The following SYNE1 variants were observed in gnomAD, a reference collection of about 807,000 sequenced individuals.
SYNE1 encodes nesprin-1.
Under a neutral mutation model 1,111.0 loss-of-function variants are expected in SYNE1, and 616 were observed. The observed-to-expected ratio is 0.55, with a 90% confidence interval of 0.52 to 0.59. SYNE1 has a LOEUF of 0.59. Ranked by LOEUF, SYNE1 falls within the 20% of genes least tolerant of loss-of-function variation. The probability of loss-of-function intolerance (pLI) is 0.00; values close to 1 mark genes in which losing one functional copy is unlikely to be tolerated. For synonymous variants in SYNE1, 3,855 were observed against 3,825.8 expected (o/e 1.01, Z -0.28); for missense variants, 10,006 against 10,417.0 (o/e 0.96, Z 1.72).
rs185660243 is a variant in SYNE1, at chr6:152,135,546, T to C, written c.25660-314A>G. 2.9e-3 allele frequency among the ~76,000 whole-genome samples: 444 copies of C among 152,372 alleles called. 3 individuals carry two copies. The highest frequency in any genetic ancestry group is 5.5e-3 in the Admixed American group (84 of 15,306). Reference sequence around the variant, plus strand: ...AGCAACTCTGCTGCCCTCTCTTCTCTGTGTAGTCAAATCTTTCCATATTTT... The same window carrying C: ...AGCAACTCTGCTGCCCTCTCTTCTCCGTGTAGTCAAATCTTTCCATATTTT... On this transcript the variant is annotated intron_variant, in intron 141 of 145. Transcript: ENST00000367255.
In SYNE1 at chr6:152,231,550, A is replaced by C; in HGVS notation, c.20880T>G (p.Ile6960Met). 1.2e-6 allele frequency: 2 copies of C among 1,614,128 alleles called. No homozygotes were observed. Among genetic ancestry groups the C allele is most frequent in the Non-Finnish European group, 1.7e-6 (2 of 1,180,014 alleles). The change falls in exon 114 of 146, where the codon ATT becomes ATG. Residue 6960 changes from isoleucine to methionine, a missense_variant. Physicochemically the swap from Ile to Met is conservative, Grantham distance 10. Around this residue, in one of 7 missense-constraint regions of SYNE1, gnomAD observed 2,182 missense variants for 2,287.8 expected, o/e 0.95. Coordinates refer to ENST00000367255, the MANE Select transcript of SYNE1 (RefSeq NM_182961.4). ...LQKYKGFKID[I>M]NCKQLTVDFV... The stretch of plus-strand genomic sequence containing the variant: ...AATCCACTGTCAGCTGTTTACAGTT[A>C]ATGTCTATCTTAAAACCCTAAAAAA...
chr6:152,340,911 T>G (rs1563198097), intron 74 of SYNE1, among the ~76,000 whole-genome samples: 1 of 151,904 alleles, frequency 6.6e-6, no homozygotes, highest in Non-Finnish European at 1.5e-5. Context: ...GTGGCTGAGG[T>G]AGTAAGAAGT....
At chr6:152,364,215 G>A (rs1190272850) in intron 63 of SYNE1, among the ~76,000 whole-genome samples, 1 of 152,126 alleles carries the variant, frequency 6.6e-6, no homozygotes, top group Non-Finnish European at 1.5e-5. Flanking sequence ...ACGATTGTAA[G>A]TTTCCTGAGG....
At chr6:152,190,334 T>C (rs1463378294) in intron 127 of SYNE1, among the ~76,000 whole-genome samples, 1 of 152,164 alleles carries the variant, frequency 6.6e-6, no homozygotes, top group East Asian at 1.9e-4. Flanking sequence ...ACCACTGAAG[T>C]CTTGAACCCC....
In SYNE1 at chr6:152,122,161, A is replaced by C; in HGVS notation, c.*275T>G. 1.1e-5 allele frequency: 5 copies of C among 469,164 alleles called. No homozygotes were observed. Among genetic ancestry groups the C allele is most frequent in the Non-Finnish European group, 1.6e-5 (4 of 256,364 alleles). The allele number at this position is 469,164 out of a possible 1,614,324, so 29.1% of individuals were successfully genotyped here. ...GGCCCAGAATTCATGAGTCCGGGGAACTTTGGAGGTCCTTACTCAATCTCC... is the reference window on the plus strand; with the variant it reads ...GGCCCAGAATTCATGAGTCCGGGGACCTTTGGAGGTCCTTACTCAATCTCC... On this transcript the variant is annotated 3_prime_UTR_variant, in exon 146 of 146. Coordinates refer to ENST00000367255, the MANE Select transcript of SYNE1 (RefSeq NM_182961.4).
At chr6:152,509,248 C>CTTTTTTTT (rs11305679) in intron 8 of SYNE1, among the ~76,000 whole-genome samples, 1 of 75,788 alleles carries the variant, frequency 1.3e-5, no homozygotes, top group Non-Finnish European at 2.6e-5. Flanking sequence ...TTTTCTTTTT[C>CTTTTTTTT]TTTTTTTTTT....
intron 85 of SYNE1, 65 bp from the exon 86 acceptor site, chr6:152,318,328 G>T: frequency 6.4e-7 from 1 of 1,569,896 alleles, no homozygotes; most frequent in Admixed American, 1.7e-5. Flanking sequence ...GGTTTCCCGA[G>T]ATCAGACTGA....
chr6:152,264,645 C>A (rs536408173), intron 100 of SYNE1, among the ~76,000 whole-genome samples: 47 of 151,900 alleles, frequency 3.1e-4, no homozygotes, highest in African/African-American at 1.0e-3. Flanking sequence ...AAAAAAAATT[C>A]AAAAATTAGC....
intron 125 of SYNE1, among the ~76,000 whole-genome samples, chr6:152,207,688 C>T (rs542489044): frequency 1.3e-5 from 2 of 152,312 alleles, no homozygotes; most frequent in Admixed American, 6.5e-5. Flanking sequence ...AGTTTTTCTT[C>T]CCTTGCCATT....
chr6:152,217,822 G>A (rs1193011193), intron 121 of SYNE1, among the ~76,000 whole-genome samples: 1 of 152,166 alleles, frequency 6.6e-6, no homozygotes, highest in Non-Finnish European at 1.5e-5. Context: ...AAATCAGCCT[G>A]TGCCCACTGC....
intron 41 of SYNE1, among the ~76,000 whole-genome samples, chr6:152,415,788 G>T (rs1291958205): frequency 5.8e-5 from 2 of 34,548 alleles, no homozygotes. Context: ...CTTCAAAGTG[G>T]TAAAAAAAAA....
rs1336140131 is a variant in SYNE1, at chr6:152,415,759, A to G, written c.6050+628T>C. Among the ~76,000 whole-genome samples, 12 of 147,390 alleles carry G rather than the reference A, an allele frequency of 8.1e-5. 1 individual carries two copies. The highest frequency in any genetic ancestry group is 4.5e-5 in the Non-Finnish European group (3 of 67,266). ...AAATTTTAGTACGTCTCAAGTGTCA[A>G]ATTAGTCGTTAATCTTATCTTCAAA... On this transcript the variant is annotated intron_variant, in intron 41 of 145. Transcript: ENST00000367255.
chr6:152,495,272 C>T (rs1048944909), intron 11 of SYNE1, among the ~76,000 whole-genome samples: 27 of 152,178 alleles, frequency 1.8e-4, no homozygotes, highest in African/African-American at 6.5e-4. Flanking sequence ...TGTGCAGACA[C>T]TTTCACTGGA....
chr6:152,123,380 A>T (rs2052130281), intron 145 of SYNE1, among the ~76,000 whole-genome samples: 2 of 152,312 alleles, frequency 1.3e-5, no homozygotes, highest in South Asian at 4.1e-4. Flanking sequence ...TTACTTTGGA[A>T]AATGGACACC....
chr6:152,520,605 A>G, intron 5 of SYNE1, 63 bp from the exon 6 acceptor site: 1 of 1,540,100 alleles, frequency 6.5e-7, no homozygotes, highest in South Asian at 1.1e-5. Context: ...GTTAGTTATA[A>G]GATCTATTTA....
intron 123 of SYNE1, among the ~76,000 whole-genome samples, chr6:152,213,019 T>C (rs2077819900): frequency 6.6e-6 from 1 of 152,192 alleles, no homozygotes; most frequent in African/African-American, 2.4e-5. Flanking sequence ...ACTGACTTAG[T>C]TATACCGGTA....
intron 32 of SYNE1, among the ~76,000 whole-genome samples, chr6:152,438,904 C>T (rs958313554): frequency 8.5e-5 from 13 of 152,132 alleles, no homozygotes; most frequent in African/African-American, 2.4e-4. Context: ...GAAAAAATAA[C>T]GTAGTGACTA....
At chr6:152,572,098 A>G (rs998312532) in intron 3 of SYNE1, among the ~76,000 whole-genome samples, 2 of 152,220 alleles carry the variant, frequency 1.3e-5, no homozygotes, top group African/African-American at 2.4e-5. Flanking sequence ...AGTAGAAATC[A>G]AATATATTTT....
chr6:152,434,556 A>T (rs1364552763), intron 33 of SYNE1: 1 of 152,242 alleles, frequency 6.6e-6, no homozygotes, highest in East Asian at 1.9e-4. Context: ...ATTCCAAAAG[A>T]CATTTATAAA....
Sources: gnomAD v4.1 joint callset for allele counts (sites outside exome capture counted in the v4.1 genomes callset) on GRCh38, gnomAD v4.1.1 for gene constraint, gnomAD v4.1.1 regional missense constraint, MANE v1.5 for transcripts, NCBI Gene and HGNC (gene_info 2026-07-23, HGNC 2026-07-21) for gene names.